WDFY2: variants seen among roughly 807,000 people sequenced by gnomAD.
The protein encoded by WDFY2 is WD repeat and FYVE domain containing 2.
In WDFY2, 36 loss-of-function variants were observed where a neutral mutation model predicts 56.4. The ratio of observed to expected loss-of-function variants is 0.64; its 90% confidence interval spans 0.49 to 0.84. The LOEUF (loss-of-function observed/expected upper bound fraction) is 0.84. Among genes scored for constraint, WDFY2 ranks in the 40% least tolerant of loss-of-function variants. The probability of loss-of-function intolerance (pLI) is 0.00; values close to 1 mark genes in which losing one functional copy is unlikely to be tolerated. For synonymous variants in WDFY2, 176 were observed against 183.7 expected, an observed-to-expected ratio of 0.96 and a Z score of 0.34; for missense variants, 444 against 512.2, an observed-to-expected ratio of 0.87 and a Z score of 1.29.
At chr13:51,729,412 A>T (rs1488660143) in intron 6 of WDFY2, among the ~76,000 whole-genome samples, 3 of 100,358 alleles carry the variant, frequency 3.0e-5, no homozygotes, top group Non-Finnish European at 4.7e-5. Flanking sequence ...TAGAAGCTTT[A>T]AAAAAAAAAA....
Position 51,742,246 on chromosome 13 carries a change from T to C in WDFY2, c.725+3071T>C, listed in dbSNP as rs544957144. Among the ~76,000 whole-genome samples, 24 of 152,238 alleles carry C rather than the reference T, an allele frequency of 1.6e-4. No homozygotes were observed. In the South Asian group the frequency reaches 5.0e-3, roughly 32 times the overall value. On this transcript the variant is annotated intron_variant, in intron 7 of 11. Coordinates refer to ENST00000298125, the MANE Select transcript of WDFY2 (RefSeq NM_052950.4). ...CTTGATTTGGTGTGTAAAAATCCCA[T>C]AAAGCAGAGAAAGCTTTAGCACCAA...
chr13:51,741,474 G>C (rs540811342), intron 7 of WDFY2, among the ~76,000 whole-genome samples: 1 of 152,310 alleles, frequency 6.6e-6, no homozygotes, highest in South Asian at 2.1e-4. Flanking sequence ...CTGAATGCCA[G>C]GGTGGGGATA....
At chr13:51,747,082 A>G (rs950150193) in intron 7 of WDFY2, among the ~76,000 whole-genome samples, 2 of 152,260 alleles carry the variant, frequency 1.3e-5, no homozygotes, top group Admixed American at 1.3e-4. Flanking sequence ...ACTTAGTACA[A>G]ATAGTTCTTT....
intron 1 of WDFY2, among the ~76,000 whole-genome samples, chr13:51,640,726 T>TG (rs1267551712): frequency 6.6e-6 from 1 of 152,090 alleles, no homozygotes; most frequent in Non-Finnish European, 1.5e-5. Flanking sequence ...GGTGGGTGCC[T>TG]GTCATCCCAG....
intron 4 of WDFY2, among the ~76,000 whole-genome samples, chr13:51,704,437 A>C (rs1952044303): frequency 6.6e-6 from 1 of 152,238 alleles, no homozygotes; most frequent in African/African-American, 2.4e-5. Context: ...GTGCATAAGC[A>C]GTTTATAATC....
chr13:51,738,903 T>C (rs1369267134), intron 6 of WDFY2, 146 bp from the exon 7 acceptor site: 2 of 1,080,398 alleles, frequency 1.9e-6, no homozygotes, highest in East Asian at 5.9e-5. Context: ...CTTTTTTCTC[T>C]TTGGGGACTT....
chr13:51,763,282 A>G lies in WDFY2; in HGVS notation c.*3513A>G, dbSNP rs1287463659. 6.6e-6 allele frequency: 1 copy of G among 152,230 alleles called. No homozygotes were observed. The highest frequency in any genetic ancestry group is 1.5e-5 in the Non-Finnish European group (1 of 68,050). The allele number at this position is 152,230 out of a possible 1,614,324, so 9.4% of individuals were successfully genotyped here. A position where few individuals can be genotyped will look rare whatever the true frequency, so the allele number is the denominator to read the frequency against. On this transcript the variant is annotated 3_prime_UTR_variant, in exon 12 of 12. Coordinates refer to ENST00000298125, the MANE Select transcript of WDFY2 (RefSeq NM_052950.4). ...GCTTTGTTCCTCTTATCGAAAGCAT[A>G]TATGACAGTTTTTTTGGCTCCGGCC...
In WDFY2 at chr13:51,713,865, AAGG is replaced by A. The variant is rs1467378540; in HGVS notation, c.335-5330_335-5328del. Reference sequence around the variant, plus strand: ...CCATCTCAAAAAAAAAAAAAAAAAAAAGGAGAAATACTGAAGGATTCCCCTTAT... The same window carrying A: ...CCATCTCAAAAAAAAAAAAAAAAAAAAGAAATACTGAAGGATTCCCCTTAT... On this transcript the variant is annotated intron_variant, in intron 4 of 11. Transcript: ENST00000298125. 4.7e-3 allele frequency among the ~76,000 whole-genome samples: 711 copies of A among 151,430 alleles called. 5 individuals carry two copies. Among genetic ancestry groups the A allele is most frequent in the African/African-American group, 0.016 (662 of 41,134 alleles).
intron 7 of WDFY2, among the ~76,000 whole-genome samples, chr13:51,749,569 A>G (rs1953180086): frequency 6.6e-6 from 1 of 152,146 alleles, no homozygotes; most frequent in Non-Finnish European, 1.5e-5. Context: ...ATGAACACAC[A>G]TTACTGAAAT....
At chr13:51,596,605 G>T (rs1409826891) in intron 1 of WDFY2, among the ~76,000 whole-genome samples, 3 of 152,206 alleles carry the variant, frequency 2.0e-5, no homozygotes. Context: ...AATGGGCTCA[G>T]TGTTCCAAAG....
rs34880965 is a variant in WDFY2, at chr13:51,745,738, TAAAAAAAAAAAAAAA to T, written c.726-5559_726-5545del. Reference sequence around the variant, plus strand: ...ATAATCTCAGTGATTATCCTTCATTTAAAAAAAAAAAAAAAAAAAAAAAAAAACCAGGCTGGTCTT... The same window carrying T: ...ATAATCTCAGTGATTATCCTTCATTTAAAAAAAAAAAACCAGGCTGGTCTT... On this transcript the variant is annotated intron_variant, in intron 7 of 11. Transcript: ENST00000298125. 5.4e-3 allele frequency among the ~76,000 whole-genome samples: 466 copies of T among 86,344 alleles called. 4 individuals carry two copies. Among genetic ancestry groups the T allele is most frequent in the African/African-American group, 0.02 (450 of 22,428 alleles). The allele number at this position is 86,344 out of a possible 152,430, so 56.6% of individuals were successfully genotyped here. A position where few individuals can be genotyped will look rare whatever the true frequency, so the allele number is the denominator to read the frequency against.
At chr13:51,737,444 G>C (rs1053230032) in intron 6 of WDFY2, among the ~76,000 whole-genome samples, 2 of 149,790 alleles carry the variant, frequency 1.3e-5, no homozygotes, top group Admixed American at 6.7e-5. Context: ...AGTGTTTGCT[G>C]TGGGTAAGCC....
chr13:51,708,135 G>A (rs755375001), intron 4 of WDFY2, among the ~76,000 whole-genome samples: 24 of 151,322 alleles, frequency 1.6e-4, no homozygotes, highest in Non-Finnish European at 2.1e-4. Context: ...ACCTGCCTTG[G>A]CTTCCCAAAG....
At chr13:51,712,708 A>G (rs1376145783) in intron 4 of WDFY2, among the ~76,000 whole-genome samples, 4 of 152,062 alleles carry the variant, frequency 2.6e-5, no homozygotes, top group Admixed American at 2.6e-4. Flanking sequence ...GATAAGCTCA[A>G]TAAAATTGAT....
In WDFY2 at chr13:51,712,056, A is replaced by G. The variant is rs191685688; in HGVS notation, c.335-7142A>G. Among the ~76,000 whole-genome samples, 578 of 152,368 alleles carry G rather than the reference A, an allele frequency of 3.8e-3. 1 individual carries two copies. The highest frequency in any genetic ancestry group is 6.4e-3 in the Non-Finnish European group (438 of 68,040). ...AGATTTGGAACCAACCCAAATGTCC[A>G]TCAATGATAGACTGGATTAAGAAAA... On this transcript the variant is annotated intron_variant, in intron 4 of 11. Transcript: ENST00000298125.
intron 7 of WDFY2, among the ~76,000 whole-genome samples, chr13:51,742,938 A>C (rs528325784): frequency 1.4e-4 from 21 of 152,370 alleles, no homozygotes; most frequent in African/African-American, 3.8e-4. Flanking sequence ...GAAATAGGCC[A>C]CTTGTAAATA....
At chr13:51,658,199 T>A (rs985648215) in intron 1 of WDFY2, among the ~76,000 whole-genome samples, 1 of 152,246 alleles carries the variant, frequency 6.6e-6, no homozygotes, top group Admixed American at 6.5e-5. Flanking sequence ...TTGCAAATAC[T>A]ATATTCCTTG....
At chr13:51,639,169 C>G (rs909931663) in intron 1 of WDFY2, among the ~76,000 whole-genome samples, 11 of 152,136 alleles carry the variant, frequency 7.2e-5, no homozygotes, top group African/African-American at 2.7e-4. Context: ...GTGGGTTCAT[C>G]TGCACTTTTT....
chr13:51,658,716 G>A (rs1485636594), intron 1 of WDFY2, among the ~76,000 whole-genome samples: 12 of 152,088 alleles, frequency 7.9e-5, no homozygotes, highest in Non-Finnish European at 1.0e-4. Context: ...TATGCGTATC[G>A]CTATATTAGC....
Sources: gnomAD v4.1 joint callset for allele counts (sites outside exome capture counted in the v4.1 genomes callset) on GRCh38, gnomAD v4.1.1 for gene constraint, MANE v1.5 for transcripts, NCBI Gene and HGNC (gene_info 2026-07-23, HGNC 2026-07-21) for gene names.